The following OR2J3 variants were observed in gnomAD, a reference collection of about 807,000 sequenced individuals.
The protein encoded by OR2J3 is olfactory receptor 2J3.
A neutral mutation model predicts 18.5 loss-of-function variants in OR2J3; 13 were observed. That is an observed-to-expected ratio of 0.70 (90% CI 0.46 to 1.12). OR2J3 has a LOEUF of 1.12. OR2J3 is among the 50% of genes most tolerant of loss of function. The pLI is 0.00. For missense variants in OR2J3, 321 were observed against 371.6 expected, an observed-to-expected ratio of 0.86 and a Z score of 1.12; for synonymous variants, 142 against 140.6, an observed-to-expected ratio of 1.01 and a Z score of -0.07.
rs1292885181 is a variant in OR2J3, at chr6:29,114,490, T to C, written c.*1664T>C. On this transcript the variant is annotated 3_prime_UTR_variant, in exon 4 of 4. Transcript: ENST00000641151. ...TAAGGATAAGTGAAAAAAATGTATTTATTTATAATATACAGCATAATGTTT... is the reference window on the plus strand; with the variant it reads ...TAAGGATAAGTGAAAAAAATGTATTCATTTATAATATACAGCATAATGTTT... 1 of 147,336 alleles carries C rather than the reference T, an allele frequency of 6.8e-6. No homozygotes were observed. The highest frequency in any genetic ancestry group is 1.5e-5 in the Non-Finnish European group (1 of 66,608). The allele number at this position is 147,336 out of a possible 1,614,324, so 9.1% of individuals were successfully genotyped here. A position where few individuals can be genotyped will look rare whatever the true frequency, so the allele number is the denominator to read the frequency against.
At position 29,111,871 on chromosome 6, in the gene OR2J3, T is replaced by C; in HGVS notation, c.-10-10T>C. The C allele has an allele frequency of 6.4e-7, 1 of 1,565,160 alleles. No individual in the cohort carries two copies. The highest frequency in any genetic ancestry group is 8.6e-7 in the Non-Finnish European group (1 of 1,160,922). ...GTTTTTTGAGTTTACCTTTCTTTTT[T>C]TTCTCTCAGGTAATAGGAAATGAAT... On this transcript the variant is annotated splice_polypyrimidine_tract_variant and intron_variant, in intron 3 of 3. Transcript: ENST00000641151.
At chr6:29,110,125 C>T (rs1056183020) in intron 3 of OR2J3, among the ~76,000 whole-genome samples, 1 of 152,152 alleles carries the variant, frequency 6.6e-6, no homozygotes, top group Non-Finnish European at 1.5e-5. Flanking sequence ...ATCTTCCTTT[C>T]CTTTCTGTAA....
chr6:29,111,896 T>C lies in OR2J3; in HGVS notation c.6T>C (p.Asn2=), dbSNP rs761295781. 28 of 1,606,564 alleles carry C rather than the reference T, an allele frequency of 1.7e-5. No individual in the cohort carries two copies. Among genetic ancestry groups the C allele is most frequent in the Non-Finnish European group, 2.3e-5 (27 of 1,176,886 alleles). Residue 2 remains asparagine (N), a synonymous_variant, in exon 4 of 4, where the codon AAT becomes AAC. Transcript: ENST00000641151. The part of the protein sequence containing the change: M[N]DDGKVNASSE... The stretch of plus-strand genomic sequence containing the variant: ...TTTCTCTCAGGTAATAGGAAATGAA[T>C]GATGATGGAAAAGTCAATGCTAGCT...
Position 29,112,922 on chromosome 6 carries a change from T to C in OR2J3, c.*96T>C, listed in dbSNP as rs1209275509. On this transcript the variant is annotated 3_prime_UTR_variant, in exon 4 of 4. Coordinates refer to ENST00000641151, the MANE Select transcript of OR2J3 (RefSeq NM_001005216.4). ...ATCAACCATTCTTTTATTCACTCAC[T>C]CTGTTAGCACTTGCTGAGCATGTAC... The C allele has an allele frequency of 5.2e-5, 74 of 1,412,888 alleles. No homozygotes were observed. Among genetic ancestry groups the C allele is most frequent in the Non-Finnish European group, 6.5e-5 (69 of 1,066,554 alleles). 87.5% of individuals were successfully genotyped at this position (1,412,888 alleles called of 1,614,324 possible).
chr6:29,113,843 A>G lies in OR2J3; in HGVS notation c.*1017A>G, dbSNP rs1020499784. On this transcript the variant is annotated 3_prime_UTR_variant, in exon 4 of 4. Coordinates refer to ENST00000641151, the MANE Select transcript of OR2J3 (RefSeq NM_001005216.4). ...AGAAATCTATTTTATAGAAGTAATC[A>G]TTTTGTTTTATATATTATTGTCAAC... is the stretch of plus-strand genomic sequence containing the variant. 3 of 152,142 alleles carry G rather than the reference A, an allele frequency of 2.0e-5. No homozygotes were observed. The highest frequency in any genetic ancestry group is 7.2e-5 in the African/African-American group (3 of 41,442). 9.4% of individuals were successfully genotyped at this position (152,142 alleles called of 1,614,324 possible).
At chr6:29,110,315 G>C (rs1459032625) in intron 3 of OR2J3, among the ~76,000 whole-genome samples, 5 of 152,092 alleles carry the variant, frequency 3.3e-5, no homozygotes, top group Non-Finnish European at 7.4e-5. Flanking sequence ...TTGAGTCCAA[G>C]TAAACAAATC....
At position 29,112,615 on chromosome 6, in the gene OR2J3, G is replaced by C. The variant is rs753114016; in HGVS notation, c.725G>C (p.Gly242Ala). The C allele has an allele frequency of 6.2e-7, 1 of 1,614,096 alleles. No individual in the cohort carries two copies. The highest frequency in any genetic ancestry group is 8.5e-7 in the Non-Finnish European group (1 of 1,180,020). Residue 242 changes from glycine to alanine, a missense_variant, in exon 4 of 4, where the codon GGA becomes GCA. Coordinates refer to ENST00000641151, the MANE Select transcript of OR2J3 (RefSeq NM_001005216.4). ...ACCACTGGGCTTCAGAAAGTGTTTG[G>C]AACATGTGGAGCTCATCTTATGGCT... ...QSTTGLQKVF[G>A]TCGAHLMAVS... is the part of the protein sequence containing the mutation.
At position 29,114,394 on chromosome 6, in the gene OR2J3, C is replaced by G. The variant is rs73397860; in HGVS notation, c.*1568C>G. 1 of 151,252 alleles carries G rather than the reference C, an allele frequency of 6.6e-6. No individual in the cohort carries two copies. Among genetic ancestry groups the G allele is most frequent in the Non-Finnish European group, 1.5e-5 (1 of 67,886 alleles). The allele number at this position is 151,252 out of a possible 1,614,324, so 9.4% of individuals were successfully genotyped here. On this transcript the variant is annotated 3_prime_UTR_variant, in exon 4 of 4. Transcript: ENST00000641151. ...ACTGTTTTCTACTATGGAAATCTTA[C>G]GATTTGGAGCACTTACGGTAGCATC... is the stretch of plus-strand genomic sequence containing the variant.
In OR2J3 at chr6:29,112,637, G is replaced by A; in HGVS notation, c.747G>A (p.Met249Ile). The change falls in exon 4 of 4, where the codon ATG (methionine) becomes ATA (isoleucine). Residue 249 changes from methionine to isoleucine, a missense_variant. Met to Ile is a conservative substitution (Grantham distance 10). Transcript: ENST00000641151. ...TTGGAACATGTGGAGCTCATCTTATGGCTGTATCTCTCTTTTTCATTCCGG... is the reference window on the plus strand; with the variant it reads ...TTGGAACATGTGGAGCTCATCTTATAGCTGTATCTCTCTTTTTCATTCCGG... ...KVFGTCGAHL[M>I]AVSLFFIPAM... The A allele has an allele frequency of 6.2e-7, 1 of 1,614,066 alleles. No homozygotes were observed. The highest frequency in any genetic ancestry group is 1.1e-5 in the South Asian group (1 of 91,082).
rs191333942 is a variant in OR2J3, at chr6:29,111,646, G to A, written c.-10-235G>A. ...TATATTTGTTAATTAGGGATCTACT[G>A]TAAGGAATAGCTTTATCTTCACCAT... On this transcript the variant is annotated intron_variant, in intron 3 of 3. Transcript: ENST00000641151. The A allele has an allele frequency of 9.8e-4, 462 of 473,208 alleles. 2 individuals carry two copies. The highest frequency in any genetic ancestry group is 4.7e-4 in the Non-Finnish European group (127 of 272,226). 29.3% of individuals were successfully genotyped at this position (473,208 alleles called of 1,614,324 possible).
At position 29,112,185 on chromosome 6, in the gene OR2J3, G is replaced by C. The variant is rs1762156925; in HGVS notation, c.295G>C (p.Gly99Arg). The change falls in exon 4 of 4, where the codon GGT becomes CGT. Residue 99 changes from glycine (G) to arginine (R), a missense_variant. By Grantham distance (125) the Gly-to-Arg change is moderately radical. Transcript: ENST00000641151. Reference protein sequence around the residue: ...WGPEKTISYAGCMIQLYFVLA... With the variant: ...WGPEKTISYARCMIQLYFVLA... ...CCCGGAAAAGACCATCTCTTATGCT[G>C]GTTGCATGATTCAACTTTACTTTGT... is the stretch of plus-strand genomic sequence containing the variant. 4 of 1,614,092 alleles carry C rather than the reference G, an allele frequency of 2.5e-6. No individual in the cohort carries two copies. Among genetic ancestry groups the C allele is most frequent in the Non-Finnish European group, 3.4e-6 (4 of 1,180,010 alleles).
rs1562546968 is a variant in OR2J3, at chr6:29,111,933, T to C, written c.43T>C (p.Phe15Leu). 6.2e-7 allele frequency: 1 copy of C among 1,613,884 alleles called. No homozygotes were observed. Among genetic ancestry groups the C allele is most frequent in the Non-Finnish European group, 8.5e-7 (1 of 1,179,892 alleles). Reference sequence around the variant, plus strand: ...AGTCAATGCTAGCTCTGAGGGGTACTTTATTTTAGTTGGATTTTCTAATTG... The same window carrying C: ...AGTCAATGCTAGCTCTGAGGGGTACCTTATTTTAGTTGGATTTTCTAATTG... ...GKVNASSEGYFILVGFSNWPH... is the reference protein window; with the variant it reads ...GKVNASSEGYLILVGFSNWPH... The change falls in exon 4 of 4, where the codon TTT becomes CTT. Residue 15 changes from phenylalanine (F) to leucine (L), a missense_variant. Coordinates refer to ENST00000641151, the MANE Select transcript of OR2J3 (RefSeq NM_001005216.4).
In OR2J3 at chr6:29,112,942, A is replaced by G. The variant is rs1762206115; in HGVS notation, c.*116A>G. ...CTCACTCTGTTAGCACTTGCTGAGC[A>G]TGTACTCTAACAAGGTCGTGGAGTT... On this transcript the variant is annotated 3_prime_UTR_variant, in exon 4 of 4. Coordinates refer to ENST00000641151, the MANE Select transcript of OR2J3 (RefSeq NM_001005216.4). The G allele has an allele frequency of 7.8e-7, 1 of 1,283,954 alleles. No homozygotes were observed. Among genetic ancestry groups the G allele is most frequent in the Non-Finnish European group, 1.0e-6 (1 of 956,988 alleles). 79.5% of individuals were successfully genotyped at this position (1,283,954 alleles called of 1,614,324 possible).
intron 2 of OR2J3, 45 bp from the exon 3 acceptor site, chr6:29,108,779 A>G (rs1297356502): frequency 6.6e-6 from 1 of 152,184 alleles, no homozygotes; most frequent in Non-Finnish European, 1.5e-5. Flanking sequence ...GGCTTTTGAT[A>G]AGGCTTTTAA....
rs1243010399 is a variant in OR2J3 at position 29,113,077 on chromosome 6, T to C, written c.*251T>C. Reference sequence around the variant, plus strand: ...CATCTATAGTGATGTTTTTCCATGGTACAAACCTAATGTATCCAAGACAGA... The same window carrying C: ...CATCTATAGTGATGTTTTTCCATGGCACAAACCTAATGTATCCAAGACAGA... On this transcript the variant is annotated 3_prime_UTR_variant, in exon 4 of 4. Transcript: ENST00000641151. 10 of 477,940 alleles carry C rather than the reference T, an allele frequency of 2.1e-5. No homozygotes were observed. The highest frequency in any genetic ancestry group is 3.7e-5 in the Non-Finnish European group (10 of 273,176). The allele number at this position is 477,940 out of a possible 1,614,324, so 29.6% of individuals were successfully genotyped here.
Position 29,112,304 on chromosome 6 carries a change from C to A in OR2J3, c.414C>A (p.Leu138=), listed in dbSNP as rs776339505. 1 of 1,614,122 alleles carries A rather than the reference C, an allele frequency of 6.2e-7. No homozygotes were observed. Among genetic ancestry groups the A allele is most frequent in the Non-Finnish European group, 8.5e-7 (1 of 1,180,038 alleles). Residue 138 remains leucine, a synonymous_variant, in exon 4 of 4, where the codon CTC becomes CTA. Coordinates refer to ENST00000641151, the MANE Select transcript of OR2J3 (RefSeq NM_001005216.4). The part of the protein sequence containing the change: ...AVCRPLHYTV[L]MHPRFCHLLA... ...GTAGACCTTTGCATTACACTGTCCTCATGCACCCTCGTTTCTGCCACCTGC... is the reference window on the plus strand; with the variant it reads ...GTAGACCTTTGCATTACACTGTCCTAATGCACCCTCGTTTCTGCCACCTGC...
intron 3 of OR2J3, chr6:29,109,482 T>G (rs1762045214): frequency 6.6e-6 from 1 of 152,136 alleles, no homozygotes; most frequent in Non-Finnish European, 1.5e-5. Context: ...ACATGAGCGA[T>G]TAAGAGACCC....
chr6:29,110,410 CAT>C (rs1286873611), intron 3 of OR2J3, among the ~76,000 whole-genome samples: 1 of 152,178 alleles, frequency 6.6e-6, no homozygotes, highest in African/African-American at 2.4e-5. Flanking sequence ...ATATTTTCCA[CAT>C]ATCTTTTCAT....
At position 29,112,861 on chromosome 6, in the gene OR2J3, G is replaced by A. The variant is rs1340708666; in HGVS notation, c.*35G>A. The stretch of plus-strand genomic sequence containing the variant: ...TGTGTCATATTAACAATATAACAGA[G>A]TCTCCCCTCACAATGATTCATCCTT... On this transcript the variant is annotated 3_prime_UTR_variant, in exon 4 of 4. Coordinates refer to ENST00000641151, the MANE Select transcript of OR2J3 (RefSeq NM_001005216.4). 3.2e-6 allele frequency: 5 copies of A among 1,557,976 alleles called. No individual in the cohort carries two copies. The highest frequency in any genetic ancestry group is 4.3e-6 in the Non-Finnish European group (5 of 1,155,722).
Sources: gnomAD v4.1 joint callset for allele counts (sites outside exome capture counted in the v4.1 genomes callset) on GRCh38, gnomAD v4.1.1 for gene constraint, MANE v1.5 for transcripts, NCBI Gene and HGNC (gene_info 2026-07-23, HGNC 2026-07-21) for gene names.